Variants in BPGM observed in about 807,000 individuals in gnomAD.
BPGM encodes the protein 2,3-bisphosphoglycerate mutase, erythrocyte.
BPGM carries 15 observed loss-of-function variants against 21.6 expected under a neutral mutation model. The ratio of observed to expected loss-of-function variants is 0.70; its 90% CI spans 0.47 to 1.07. BPGM has a LOEUF of 1.07. Among genes scored for constraint, BPGM ranks in the 50% least tolerant of loss-of-function variants. The pLI is 0.00. For missense variants in BPGM, 273 were observed against 319.0 expected (o/e 0.86, Z 1.10); for synonymous variants, 113 against 116.2 (o/e 0.97, Z 0.18).
rs1217699661 is a variant in BPGM at position 134,661,302 on chromosome 7, AT to A, written c.-61-144del. 3 of 632,622 alleles carry A rather than the reference AT, an allele frequency of 4.7e-6. No homozygotes were observed. In the African/African-American group the frequency reaches 5.5e-5, roughly 12 times the overall value. 39.2% of individuals were successfully genotyped at this position (632,622 alleles called of 1,614,324 possible). On this transcript the variant is annotated intron_variant, in intron 1 of 2. Coordinates refer to ENST00000344924, the MANE Select transcript of BPGM (RefSeq NM_001724.5). The surrounding 1 kb of genome is among the most constrained non-coding windows in gnomAD (Gnocchi z 4.6). Reference sequence around the variant, plus strand: ...ATTAATATCTATAGAATATGCCTGTATGTGTCACAGTGTATGAGTTATCACA... The same window carrying A: ...ATTAATATCTATAGAATATGCCTGTAGTGTCACAGTGTATGAGTTATCACA...
rs1388228969 is a variant in BPGM, at chr7:134,649,692, A to G, written c.-62+2755A>G. 2.0e-5 allele frequency among the ~76,000 whole-genome samples: 3 copies of G among 152,344 alleles called. No homozygotes were observed. The East Asian group carries it at 5.8e-4, about 29-fold the overall frequency. On this transcript the variant is annotated intron_variant, in intron 1 of 2. Transcript: ENST00000344924. Reference sequence around the variant, plus strand: ...GTAAAATATAAATTAAATGTTAACCACTTCATTAAAGCATTTGGATTGCAG... The same window carrying G: ...GTAAAATATAAATTAAATGTTAACCGCTTCATTAAAGCATTTGGATTGCAG...
At chr7:134,648,070 TTA>T (rs763344195) in intron 1 of BPGM, among the ~76,000 whole-genome samples, 84,911 of 148,400 alleles carry the variant, frequency 0.57, 24,820 homozygotes, top group East Asian at 0.87. Context: ...AGTGCTGGGA[TTA>T]CAGGCGTGAG....
intron 2 of BPGM, among the ~76,000 whole-genome samples, chr7:134,665,791 TTTTTTA>T (rs1050767709): frequency 2.5e-4 from 38 of 152,062 alleles, no homozygotes; most frequent in Non-Finnish European, 2.9e-5. Context: ...TTTTATTTTA[TTTTTTA>T]TTTTTATTTT....
In BPGM at chr7:134,671,135, G is replaced by C. The variant is rs558927882; in HGVS notation, c.602-7718G>C. Among the ~76,000 whole-genome samples the C allele has an allele frequency of 2.0e-4, 31 of 152,136 alleles. 1 individual carries two copies. In the South Asian group the frequency reaches 6.4e-3, roughly 32 times the overall value. ...AGACTAGATTTAATTTGAAAACCCA[G>C]AGAGTTCGAATTTATTCAATTCAGG... On this transcript the variant is annotated intron_variant, in intron 2 of 2. Transcript: ENST00000344924.
chr7:134,662,161 C>T (rs1038941701), intron 2 of BPGM, 53 bp downstream of exon 2: 204 of 1,609,014 alleles, frequency 1.3e-4, no homozygotes, highest in Non-Finnish European at 1.7e-4. Context: ...ATATCTAGGC[C>T]TTAATCTAGA....
chr7:134,657,293 A>T (rs1233297471), intron 1 of BPGM, among the ~76,000 whole-genome samples: 1 of 152,224 alleles, frequency 6.6e-6, no homozygotes, highest in Non-Finnish European at 1.5e-5. Context: ...AGTGTTCTGC[A>T]TAGGGTACAG....
At chr7:134,671,225 G>T (rs1159441902) in intron 2 of BPGM, among the ~76,000 whole-genome samples, 2 of 152,138 alleles carry the variant, frequency 1.3e-5, no homozygotes, top group Non-Finnish European at 2.9e-5. Context: ...ACCTATATGT[G>T]AATGAGACAC....
chr7:134,646,919 GC>G lies in BPGM; in HGVS notation c.-79del. 1 of 191,698 alleles carries G rather than the reference GC, an allele frequency of 5.2e-6. No homozygotes were observed. The highest frequency in any genetic ancestry group is 1.1e-5 in the Non-Finnish European group (1 of 88,892). 11.9% of individuals were successfully genotyped at this position (191,698 alleles called of 1,614,324 possible). On this transcript the variant is annotated 5_prime_UTR_variant, in exon 1 of 3. An upstream open reading frame in the 5' UTR loses its in-frame stop. Transcript: ENST00000344924. ...AGCGGCTGCTGCTGCTGCTGCTGCT[GC>G]TGGTGGCCCCTTTGCAGGTGAGTGG...
At chr7:134,671,515 C>A (rs1795904145) in intron 2 of BPGM, among the ~76,000 whole-genome samples, 1 of 152,040 alleles carries the variant, frequency 6.6e-6, no homozygotes, top group South Asian at 2.1e-4. Context: ...GTACCCGCCA[C>A]CACGCCCGGC....
At chr7:134,672,903 G>A (rs190319372) in intron 2 of BPGM, among the ~76,000 whole-genome samples, 328 of 152,238 alleles carry the variant, frequency 2.2e-3, no homozygotes, top group Middle Eastern at 6.8e-3. Context: ...GGCCGGGCGC[G>A]GTGGCTCACA....
chr7:134,650,596 C>A (rs1248468955), intron 1 of BPGM, among the ~76,000 whole-genome samples: 2 of 152,190 alleles, frequency 1.3e-5, no homozygotes, highest in Non-Finnish European at 2.9e-5. Context: ...TAATAGTGAA[C>A]TTGATTTGGG....
At chr7:134,668,763 G>A (rs531298690) in intron 2 of BPGM, among the ~76,000 whole-genome samples, 22 of 152,290 alleles carry the variant, frequency 1.4e-4, no homozygotes, top group Non-Finnish European at 2.8e-4. Context: ...GCAAACTATT[G>A]ATACACCCAT....
chr7:134,669,169 G>A (rs1788052458), intron 2 of BPGM, among the ~76,000 whole-genome samples: 1 of 152,146 alleles, frequency 6.6e-6, no homozygotes, highest in Non-Finnish European at 1.5e-5. Flanking sequence ...TTAAGTGAAG[G>A]GTTGAAGGTT....
Position 134,662,093 on chromosome 7 carries a change from C to T in BPGM, c.586C>T (p.Leu196=), listed in dbSNP as rs751753233. The part of the protein sequence containing the change: ...SAHGNSSRAL[L]KHLEGISDED... ...TCATGGAAATAGCAGTAGGGCACTC[C>T]TAAAACACCTGGAAGGTACCAGCTT... Residue 196 remains leucine (L), a synonymous_variant, in exon 2 of 3, where the codon CTA becomes TTA. Transcript: ENST00000344924. 6.2e-7 allele frequency: 1 copy of T among 1,614,102 alleles called. No individual in the cohort carries two copies. The highest frequency in any genetic ancestry group is 8.5e-7 in the Non-Finnish European group (1 of 1,179,990).
rs1371762291 is a variant in BPGM at position 134,657,915 on chromosome 7, C to T, written c.-61-3532C>T. On this transcript the variant is annotated intron_variant, in intron 1 of 2. Transcript: ENST00000344924. Reference sequence around the variant, plus strand: ...GTGGTCCAGACGCTTGGGTTCTGACCGTCTCCTGGGGTATAGTGGCTGTAC... The same window carrying T: ...GTGGTCCAGACGCTTGGGTTCTGACTGTCTCCTGGGGTATAGTGGCTGTAC... Among the ~76,000 whole-genome samples the T allele has an allele frequency of 3.3e-5, 5 of 152,226 alleles. No individual in the cohort carries two copies. In the East Asian group the frequency reaches 9.6e-4, roughly 29 times the overall value.
At chr7:134,650,782 G>T (rs1245965740) in intron 1 of BPGM, among the ~76,000 whole-genome samples, 1 of 152,148 alleles carries the variant, frequency 6.6e-6, no homozygotes, top group Middle Eastern at 3.2e-3. Flanking sequence ...AAAATTAGCC[G>T]GGCGTGGTGA....
chr7:134,652,383 T>C (rs1283394126), intron 1 of BPGM, among the ~76,000 whole-genome samples: 2 of 152,246 alleles, frequency 1.3e-5, no homozygotes, highest in Non-Finnish European at 2.9e-5. Context: ...TATAGGTATA[T>C]GTGATGTTTT....
At chr7:134,670,396 A>C (rs7778811) in intron 2 of BPGM, among the ~76,000 whole-genome samples, 85,000 of 152,040 alleles carry the variant, frequency 0.56, 24,680 homozygotes, top group East Asian at 0.77. Context: ...CGCTTCTGTG[A>C]GGCAAGTAGT....
chr7:134,669,873 G>C (rs1562970989), intron 2 of BPGM, among the ~76,000 whole-genome samples: 1 of 152,096 alleles, frequency 6.6e-6, no homozygotes, highest in Non-Finnish European at 1.5e-5. Context: ...AATAAGTCCA[G>C]GTTAAAAAGC....
Sources: gnomAD v4.1 joint callset for allele counts (sites outside exome capture counted in the v4.1 genomes callset) on GRCh38, gnomAD v4.1.1 for gene constraint, Gnocchi (gnomAD v3.1) non-coding constraint, MANE v1.5 for transcripts, NCBI Gene and HGNC (gene_info 2026-07-23, HGNC 2026-07-21) for gene names.